PDE11A: variants seen among roughly 807,000 people sequenced by gnomAD.
PDE11A encodes dual 3',5'-cyclic-AMP and -GMP phosphodiesterase 11A.
Under a neutral mutation model 100.5 loss-of-function variants are expected in PDE11A, and 100 were observed. That is an observed-to-expected ratio of 1.00 (90% confidence interval 0.85 to 1.18). The LOEUF (loss-of-function observed/expected upper bound fraction) is 1.18. Ranked by LOEUF, PDE11A falls within the 50% of genes most tolerant of loss-of-function variation. The pLI, the probability that PDE11A is intolerant of heterozygous loss-of-function variation, is 0.00. For missense variants in PDE11A, 1,141 were observed against 1,152.6 expected, an observed-to-expected ratio of 0.99 and a Z score of 0.15; for synonymous variants, 381 against 420.8, an observed-to-expected ratio of 0.91 and a Z score of 1.16.
intron 15 of PDE11A, among the ~76,000 whole-genome samples, chr2:177,692,561 T>C (rs972300458): frequency 3.9e-5 from 6 of 152,184 alleles, no homozygotes; most frequent in South Asian, 2.1e-4. Context: ...AAATTACTAC[T>C]TAATTATCAA....
Position 177,661,319 on chromosome 2 carries a change from T to C in PDE11A, c.2646+2547A>G, listed in dbSNP as rs998798959. On this transcript the variant is annotated intron_variant, in intron 19 of 19. Transcript: ENST00000286063. ...GCCTTCGATCCTCTCAGACTCCTTA[T>C]GATTGCATTTTTATGTTCAAAACCC... is the stretch of plus-strand genomic sequence containing the variant. Among the ~76,000 whole-genome samples, 3 of 152,334 alleles carry C rather than the reference T, an allele frequency of 2.0e-5. No homozygotes were observed. In the East Asian group the frequency reaches 5.8e-4, roughly 29 times the overall value.
At position 177,734,795 on chromosome 2, in the gene PDE11A, G is replaced by T. The variant is rs2081748918; in HGVS notation, c.1789-6623C>A. Among the ~76,000 whole-genome samples, 2 of 152,174 alleles carry T rather than the reference G, an allele frequency of 1.3e-5. 1 individual carries two copies. The highest frequency in any genetic ancestry group is 4.1e-4 in the South Asian group (2 of 4,832). On this transcript the variant is annotated intron_variant, in intron 10 of 19. Transcript: ENST00000286063. The stretch of plus-strand genomic sequence containing the variant: ...AGTGCTTGGAAATAGGAAATAGTAA[G>T]TAACGGTGCCTGGCATGATGGCGCT...
intron 2 of PDE11A, among the ~76,000 whole-genome samples, chr2:178,004,982 C>A (rs1309924859): frequency 6.6e-6 from 1 of 152,080 alleles, no homozygotes; most frequent in African/African-American, 2.4e-5. Flanking sequence ...ACAATACTTT[C>A]TTGAACTTCA....
At chr2:177,922,569 A>G (rs1377427586) in intron 2 of PDE11A, 1 of 413,846 alleles carries the variant, frequency 2.4e-6, no homozygotes, top group African/African-American at 2.2e-5. Context: ...CAAAGGGCTG[A>G]ACCCAAAAAC....
intron 10 of PDE11A, 68 bp downstream of exon 10, chr2:177,769,255 G>T: frequency 1.1e-6 from 1 of 887,932 alleles, no homozygotes; most frequent in Non-Finnish European, 1.9e-6. Context: ...AGAGGCATGT[G>T]ACAGAGCTCA....
intron 1 of PDE11A, among the ~76,000 whole-genome samples, chr2:178,036,051 G>A (rs2086609274): frequency 6.6e-6 from 1 of 152,112 alleles, no homozygotes; most frequent in African/African-American, 2.4e-5. Flanking sequence ...AAGAAATAAA[G>A]GGTATTCAAA....
chr2:178,052,089 C>T (rs926328183), intron 1 of PDE11A, among the ~76,000 whole-genome samples: 59 of 152,160 alleles, frequency 3.9e-4, no homozygotes, highest in Admixed American at 7.2e-4. Context: ...CACACCTATT[C>T]CAAAATTGAC....
At chr2:177,896,149 T>C (rs867189721) in intron 4 of PDE11A, among the ~76,000 whole-genome samples, 1 of 152,266 alleles carries the variant, frequency 6.6e-6, no homozygotes. Flanking sequence ...TTCAGTAGAA[T>C]ACCAGCCAGC....
intron 10 of PDE11A, among the ~76,000 whole-genome samples, chr2:177,730,611 C>G (rs1158414054): frequency 6.6e-6 from 1 of 151,254 alleles, no homozygotes; most frequent in Non-Finnish European, 1.5e-5. Context: ...GATTTTAATA[C>G]CACGGTTTTC....
intron 2 of PDE11A, among the ~76,000 whole-genome samples, chr2:178,096,690 A>C (rs934865729): frequency 6.6e-6 from 1 of 152,156 alleles, no homozygotes; most frequent in Non-Finnish European, 1.5e-5. Context: ...GCAGTTCCTG[A>C]TAAGTTCCTC....
intron 2 of PDE11A, among the ~76,000 whole-genome samples, chr2:178,098,299 T>C (rs1394802354): frequency 6.6e-6 from 1 of 152,160 alleles, no homozygotes; most frequent in Non-Finnish European, 1.5e-5. Context: ...TAGAAAACCA[T>C]CCACTAACCA....
chr2:177,912,628 A>C (rs150329284), intron 2 of PDE11A, among the ~76,000 whole-genome samples: 99 of 152,296 alleles, frequency 6.5e-4, no homozygotes, highest in African/African-American at 2.3e-3. Context: ...GAAAACCCTG[A>C]AGGAATCTAT....
chr2:177,925,829 T>C (rs1264407370), intron 2 of PDE11A, among the ~76,000 whole-genome samples: 1 of 152,222 alleles, frequency 6.6e-6, no homozygotes, highest in African/African-American at 2.4e-5. Flanking sequence ...TTCTTTTAGG[T>C]CAACATGGAA....
chr2:177,843,791 T>G (rs748456217), intron 5 of PDE11A, among the ~76,000 whole-genome samples: 1 of 152,128 alleles, frequency 6.6e-6, no homozygotes, highest in African/African-American at 2.4e-5. Context: ...ATATAAAAAT[T>G]AAATGCCCAC....
At chr2:177,786,020 C>G (rs901587039) in intron 9 of PDE11A, among the ~76,000 whole-genome samples, 1 of 152,190 alleles carries the variant, frequency 6.6e-6, no homozygotes, top group Non-Finnish European at 1.5e-5. Context: ...TGTCTGACAG[C>G]TTTGAAGAGA....
intron 7 of PDE11A, among the ~76,000 whole-genome samples, chr2:177,819,365 G>C (rs1326067515): frequency 7.2e-5 from 11 of 152,078 alleles, no homozygotes; most frequent in Non-Finnish European, 1.6e-4. Flanking sequence ...GGGAAGCAGA[G>C]AAAGGCAAAT....
At chr2:177,667,020 C>T (rs1267470896) in intron 18 of PDE11A, among the ~76,000 whole-genome samples, 3 of 151,840 alleles carry the variant, frequency 2.0e-5, no homozygotes, top group Admixed American at 1.3e-4. Context: ...TGGGTTCAAA[C>T]GGTTTTCCTG....
At chr2:177,842,786 T>G (rs939819065) in intron 5 of PDE11A, among the ~76,000 whole-genome samples, 1 of 152,172 alleles carries the variant, frequency 6.6e-6, no homozygotes, top group African/African-American at 2.4e-5. Flanking sequence ...CGACTGCCTG[T>G]GGCCCTATTA....
intron 1 of PDE11A, among the ~76,000 whole-genome samples, chr2:178,044,496 G>T (rs571778768): frequency 5.7e-5 from 6 of 104,812 alleles, no homozygotes; most frequent in African/African-American, 2.1e-4. Context: ...ATAAACCCTT[G>T]TTTATAATAT....
Sources: allele counts gnomAD v4.1 joint callset (sites outside exome capture counted in the v4.1 genomes callset), GRCh38; gene constraint gnomAD v4.1.1; transcripts MANE v1.5; gene names NCBI Gene and HGNC (gene_info 2026-07-23, HGNC 2026-07-21).